RAD17: variants seen among roughly 807,000 people sequenced by gnomAD.
The protein encoded by RAD17 is RAD17 checkpoint clamp loader component, also known as cell cycle checkpoint protein RAD17.
RAD17 carries 31 observed loss-of-function variants against 81.5 expected under a neutral mutation model. The observed-to-expected ratio is 0.38, with a 90% CI of 0.29 to 0.51. The LOEUF is 0.51. RAD17 is among the 20% of genes least tolerant of loss of function. RAD17 has a pLI of 0.88. For synonymous variants in RAD17, 261 were observed against 266.2 expected, an observed-to-expected ratio of 0.98 and a Z score of 0.19; for missense variants, 681 against 781.2, an observed-to-expected ratio of 0.87 and a Z score of 1.53.
chr5:69,369,404 A>G (rs2150749665), upstream of RAD17: 1 of 1,592,354 alleles, frequency 6.3e-7, no homozygotes. Context: ...CCCGATGCCC[A>G]GAGCACTCTG....
chr5:69,412,999 A>G (rs911247569), intron 18 of RAD17, among the ~76,000 whole-genome samples: 2 of 149,748 alleles, frequency 1.3e-5, no homozygotes, highest in African/African-American at 4.9e-5. Context: ...AAAAAAAAAG[A>G]TGACAGTAGT....
Position 69,374,630 on chromosome 5 carries a change from T to G in RAD17, c.270T>G (p.His90Gln), listed in dbSNP as rs1561235089. The G allele has an allele frequency of 6.2e-7, 1 of 1,603,724 alleles. No homozygotes were observed. The highest frequency in any genetic ancestry group is 2.2e-5 in the East Asian group (1 of 44,752). ...TAAATTTGAAATTTTTGTTGTAGCA[T>G]GAACTTGCTGTGCATAAAAAGAAAA... Reference protein sequence around the residue: ...WVDKYKPETQHELAVHKKKIE... With the variant: ...WVDKYKPETQQELAVHKKKIE... Residue 90 changes from histidine to glutamine, a missense_variant and splice_region_variant, in exon 6 of 19, where the codon CAT (histidine) becomes CAG (glutamine). Physicochemically the swap from His to Gln is conservative, Grantham distance 24 (BLOSUM62 0). Coordinates refer to ENST00000354868, the MANE Select transcript of RAD17 (RefSeq NM_133338.3).
At chr5:69,374,143 T>G in intron 5 of RAD17, 56 bp downstream of exon 5, 1 of 1,405,466 alleles carries the variant, frequency 7.1e-7, no homozygotes, top group Non-Finnish European at 9.8e-7. Context: ...TGCATAAGGG[T>G]AGATGGGAAG....
chr5:69,409,584 G>A (rs949858614), intron 17 of RAD17, among the ~76,000 whole-genome samples: 6 of 152,136 alleles, frequency 3.9e-5, no homozygotes, highest in African/African-American at 1.4e-4. Flanking sequence ...AGTTTTCACC[G>A]ATTTTGCTTA....
At chr5:69,410,961 CTGTCTATATA>C (rs1241034785) in intron 18 of RAD17, among the ~76,000 whole-genome samples, 10 of 23,356 alleles carry the variant, frequency 4.3e-4, no homozygotes, top group African/African-American at 1.3e-3. Context: ...AAATAGATGT[CTGTCTATATA>C]TATATATATA....
At chr5:69,377,691 G>A (rs1306105368) in intron 6 of RAD17, among the ~76,000 whole-genome samples, 3 of 66,112 alleles carry the variant, frequency 4.5e-5, no homozygotes, top group Non-Finnish European at 8.1e-5. Flanking sequence ...ATATATATAT[G>A]TATACATATA....
chr5:69,371,057 C>A lies in RAD17; in HGVS notation c.-394C>A. 1 of 385,538 alleles carries A rather than the reference C, an allele frequency of 2.6e-6. No individual in the cohort carries two copies. The highest frequency in any genetic ancestry group is 2.0e-5 in the South Asian group (1 of 49,206). The allele number at this position is 385,538 out of a possible 1,614,324, so 23.9% of individuals were successfully genotyped here. ...CAGCAAGTGAATTCATGGTATTTTA[C>A]TTTTTTGGGAAATACTGGAAATGAA... is the stretch of plus-strand genomic sequence containing the variant. On this transcript the variant is annotated 5_prime_UTR_variant, in exon 2 of 19. It introduces an in-frame stop codon into an upstream open reading frame of the 5' UTR. Coordinates refer to ENST00000354868, the MANE Select transcript of RAD17 (RefSeq NM_133338.3).
intron 6 of RAD17, among the ~76,000 whole-genome samples, chr5:69,381,601 A>T (rs1296147487): frequency 6.6e-6 from 1 of 152,184 alleles, no homozygotes; most frequent in Non-Finnish European, 1.5e-5. Context: ...CTTGAGAGGG[A>T]CATAATGCAA....
chr5:69,413,670 G>A (rs1356066120), intron 18 of RAD17, among the ~76,000 whole-genome samples: 1 of 152,086 alleles, frequency 6.6e-6, no homozygotes, highest in Non-Finnish European at 1.5e-5. Context: ...GAGTAGCTGG[G>A]ATTACAGATG....
chr5:69,389,709 T>C (rs550824980), intron 12 of RAD17, among the ~76,000 whole-genome samples: 2 of 152,320 alleles, frequency 1.3e-5, no homozygotes, highest in African/African-American at 4.8e-5. Flanking sequence ...GGCATGATCT[T>C]GGCTCACTGC....
chr5:69,386,593 A>G (rs1483293315), intron 11 of RAD17, 128 bp downstream of exon 11: 2 of 1,116,338 alleles, frequency 1.8e-6, no homozygotes, highest in African/African-American at 1.6e-5. Context: ...CTCATAAGGC[A>G]TGTCATTTTA....
rs1467850614 is a variant in RAD17 at position 69,377,490 on chromosome 5, T to C, written c.351+2779T>C. Among the ~76,000 whole-genome samples, 9 of 108,680 alleles carry C rather than the reference T, an allele frequency of 8.3e-5. 1 individual carries two copies. Among genetic ancestry groups the C allele is most frequent in the South Asian group, 3.0e-4 (1 of 3,292 alleles). The allele number at this position is 108,680 out of a possible 152,430, so 71.3% of individuals were successfully genotyped here. ...ATATATATATACACACACACACATA[T>C]ATATACGTATATATATGTATATATA... On this transcript the variant is annotated intron_variant, in intron 6 of 18. Coordinates refer to ENST00000354868, the MANE Select transcript of RAD17 (RefSeq NM_133338.3).
chr5:69,397,762 A>C (rs1764988306), intron 16 of RAD17, among the ~76,000 whole-genome samples: 1 of 152,110 alleles, frequency 6.6e-6, no homozygotes, highest in Non-Finnish European at 1.5e-5. Context: ...AGGAGGAATA[A>C]GTTTTAAGTT....
At chr5:69,401,254 A>G (rs1183755181) in intron 17 of RAD17, among the ~76,000 whole-genome samples, 1 of 152,184 alleles carries the variant, frequency 6.6e-6, no homozygotes, top group Non-Finnish European at 1.5e-5. Context: ...TACTTCCCCT[A>G]CAACCACAGG....
chr5:69,389,007 T>C, intron 11 of RAD17, 27 bp from the exon 12 acceptor site: 1 of 1,233,172 alleles, frequency 8.1e-7, no homozygotes, highest in Non-Finnish European at 1.1e-6. Context: ...AAAATACTTT[T>C]TTTTAAATTT....
At chr5:69,369,577 GC>G, upstream of RAD17, 1 of 1,604,736 alleles carries the variant, frequency 6.2e-7, no homozygotes, top group Non-Finnish European at 8.5e-7. Context: ...GGCAGCAAAA[GC>G]CCACGGCCCC....
chr5:69,378,167 A>C (rs1174350699), intron 6 of RAD17, among the ~76,000 whole-genome samples: 1 of 152,166 alleles, frequency 6.6e-6, no homozygotes, highest in Non-Finnish European at 1.5e-5. Context: ...TTTTTATTCA[A>C]AAAAATTGGT....
intron 16 of RAD17, among the ~76,000 whole-genome samples, chr5:69,397,873 T>C (rs1443014544): frequency 3.3e-5 from 5 of 152,084 alleles, no homozygotes; most frequent in Non-Finnish European, 7.4e-5. Flanking sequence ...ATCCCAGCAC[T>C]TTGGGAGGCT....
chr5:69,410,954 T>G (rs1765933465), intron 18 of RAD17, among the ~76,000 whole-genome samples: 1 of 105,662 alleles, frequency 9.5e-6, no homozygotes, highest in Non-Finnish European at 2.0e-5. Context: ...AAGCAAAAAA[T>G]AGATGTCTGT....
Sources: allele counts gnomAD v4.1 joint callset (sites outside exome capture counted in the v4.1 genomes callset), GRCh38; gene constraint gnomAD v4.1.1; transcripts MANE v1.5; gene names NCBI Gene and HGNC (gene_info 2026-07-23, HGNC 2026-07-21).